Variants in PHC3 observed in about 807,000 individuals in gnomAD.
PHC3 encodes polyhomeotic homolog 3, also known as polyhomeotic-like protein 3.
PHC3 carries 13 observed loss-of-function variants against 107.4 expected under a neutral mutation model. That is an observed-to-expected ratio of 0.12 (90% CI 0.08 to 0.19). PHC3 has a LOEUF of 0.19. Ranked by LOEUF, PHC3 falls within the 10% of genes least tolerant of loss-of-function variation. The pLI is 1.00. For missense variants in PHC3, 992 were observed against 1,210.9 expected (o/e 0.82, Z 2.68); for synonymous variants, 456 against 427.4 (o/e 1.07, Z -0.83).
chr3:170,130,638 T>TC (rs1415851516), intron 7 of PHC3, among the ~76,000 whole-genome samples: 2 of 152,110 alleles, frequency 1.3e-5, no homozygotes, highest in East Asian at 3.9e-4. Context: ...AAAAAAAACT[T>TC]CAATAATTGA....
rs1240744316 is a variant in PHC3, at chr3:170,165,438, C to A, written c.414+5935G>T. Reference sequence around the variant, plus strand: ...AGGACAACCAATAGAAGCCAATACCCAGATAACAAAGATATCAGAATTATA... The same window carrying A: ...AGGACAACCAATAGAAGCCAATACCAAGATAACAAAGATATCAGAATTATA... On this transcript the variant is annotated intron_variant, in intron 4 of 14. Coordinates refer to ENST00000495893, the MANE Select transcript of PHC3 (RefSeq NM_024947.4). Among the ~76,000 whole-genome samples the A allele has an allele frequency of 3.9e-5, 6 of 151,998 alleles. No individual in the cohort carries two copies. In the East Asian group the frequency reaches 1.2e-3, roughly 29 times the overall value.
chr3:170,144,240 T>C (rs971769684), intron 6 of PHC3, among the ~76,000 whole-genome samples: 4 of 146,658 alleles, frequency 2.7e-5, no homozygotes, highest in Non-Finnish European at 6.0e-5. Context: ...ACTCGGGAGG[T>C]TGAGGCAGGA....
chr3:170,180,806 C>G (rs1161853769), intron 1 of PHC3, among the ~76,000 whole-genome samples: 1 of 152,162 alleles, frequency 6.6e-6, no homozygotes, highest in African/African-American at 2.4e-5. Flanking sequence ...ACAGTTCTAA[C>G]TCCTAACCAA....
At position 170,111,394 on chromosome 3, in the gene PHC3, G is replaced by GGA. The variant is rs1231945250; in HGVS notation, c.2353+1965_2353+1966insTC. Among the ~76,000 whole-genome samples the GGA allele has an allele frequency of 8.2e-4, 116 of 142,128 alleles. 1 individual carries two copies. The highest frequency in any genetic ancestry group is 2.9e-3 in the African/African-American group (112 of 38,180). The allele number at this position is 142,128 out of a possible 152,430, so 93.2% of individuals were successfully genotyped here. A position where few individuals can be genotyped will look rare whatever the true frequency, so the allele number is the denominator to read the frequency against. ...AAAGAAAGAAAGAGAGAGAAAGAAA[G>GGA]AGGAAGGAAGGAAGGAAGGAAGGAA... On this transcript the variant is annotated intron_variant, in intron 11 of 14. Transcript: ENST00000495893.
At chr3:170,156,940 CTATT>C (rs1234143422) in intron 4 of PHC3, among the ~76,000 whole-genome samples, 1 of 152,124 alleles carries the variant, frequency 6.6e-6, no homozygotes, top group Non-Finnish European at 1.5e-5. Context: ...AATACCTATC[CTATT>C]TATTTTAGAA....
chr3:170,136,918 A>G (rs1723170072), intron 6 of PHC3, among the ~76,000 whole-genome samples: 1 of 151,876 alleles, frequency 6.6e-6, no homozygotes, highest in Non-Finnish European at 1.5e-5. Flanking sequence ...GAGAAAAAAA[A>G]GAAAGGAAGA....
At chr3:170,126,100 A>T (rs1721187900) in intron 8 of PHC3, 1 of 310,306 alleles carries the variant, frequency 3.2e-6, no homozygotes, top group Admixed American at 6.5e-5. Flanking sequence ...TAAGTATCTT[A>T]AAAAACATAC....
chr3:170,130,308 A>G (rs1722048350), intron 7 of PHC3, among the ~76,000 whole-genome samples: 1 of 152,194 alleles, frequency 6.6e-6, no homozygotes, highest in Admixed American at 6.6e-5. Flanking sequence ...ATCCTTTCTA[A>G]TCCATATCTA....
chr3:170,093,399 A>G lies in PHC3; in HGVS notation c.*3831T>C, dbSNP rs1032887158. The G allele has an allele frequency of 1.3e-5, 2 of 152,208 alleles. No homozygotes were observed. Among genetic ancestry groups the G allele is most frequent in the Non-Finnish European group, 2.9e-5 (2 of 68,036 alleles). 9.4% of individuals were successfully genotyped at this position (152,208 alleles called of 1,614,324 possible). A position where few individuals can be genotyped will look rare whatever the true frequency, so the allele number is the denominator to read the frequency against. Reference sequence around the variant, plus strand: ...CTGCATGTGTTCCTGCAATCCACCAAGGTGAAAACCACAAACTATAACCAG... The same window carrying G: ...CTGCATGTGTTCCTGCAATCCACCAGGGTGAAAACCACAAACTATAACCAG... On this transcript the variant is annotated 3_prime_UTR_variant, in exon 15 of 15. Coordinates refer to ENST00000495893, the MANE Select transcript of PHC3 (RefSeq NM_024947.4).
chr3:170,108,693 T>C (rs551375302), intron 11 of PHC3, among the ~76,000 whole-genome samples: 1 of 152,320 alleles, frequency 6.6e-6, no homozygotes, highest in Non-Finnish European at 1.5e-5. Context: ...ATGCTTATAA[T>C]CTGATCTTAC....
rs185037974 is a variant in PHC3 at position 170,156,326 on chromosome 3, C to T, written c.415-7082G>A. ...GACTGGAATGCAGTGGCACAATCTC[C>T]GCTCACTGCAACCTCCGCCTCCTGG... is the stretch of plus-strand genomic sequence containing the variant. On this transcript the variant is annotated intron_variant, in intron 4 of 14. Transcript: ENST00000495893. 4.6e-5 allele frequency among the ~76,000 whole-genome samples: 7 copies of T among 152,178 alleles called. No individual in the cohort carries two copies. The East Asian group carries it at 5.8e-4, about 13-fold the overall frequency.
At chr3:170,126,804 G>T (rs981089056) in intron 8 of PHC3, among the ~76,000 whole-genome samples, 2 of 151,880 alleles carry the variant, frequency 1.3e-5, no homozygotes, top group East Asian at 3.9e-4. Flanking sequence ...GCCTCCCAAA[G>T]TGCTGGGATT....
chr3:170,133,384 G>C lies in PHC3; in HGVS notation c.919+3035C>G, dbSNP rs374277261. On this transcript the variant is annotated intron_variant, in intron 7 of 14. Transcript: ENST00000495893. ...AGTAGAGACGGGGTTTCACCATGTT[G>C]GCCAGGATGGTCTCGATCTCTTGAC... Among the ~76,000 whole-genome samples the C allele has an allele frequency of 4.5e-4, 68 of 152,086 alleles. No individual in the cohort carries two copies. The East Asian group carries it at 9.7e-3, about 22-fold the overall frequency.
chr3:170,157,799 A>G (rs1479219205), intron 4 of PHC3, among the ~76,000 whole-genome samples: 1 of 152,088 alleles, frequency 6.6e-6, no homozygotes, highest in Non-Finnish European at 1.5e-5. Flanking sequence ...TTCTTGATCT[A>G]AAAACAATCT....
chr3:170,153,655 C>T (rs1327561400), intron 4 of PHC3, among the ~76,000 whole-genome samples: 1 of 150,162 alleles, frequency 6.7e-6, no homozygotes. Context: ...CCCAGCTACT[C>T]GGGAGGCTGA....
At chr3:170,179,061 AG>A (rs1424202697) in intron 1 of PHC3, 123 bp from the exon 2 acceptor site, 2 of 891,674 alleles carry the variant, frequency 2.2e-6, no homozygotes, top group African/African-American at 3.3e-5. Context: ...CATAAAAGAC[AG>A]CCAACACACA....
At chr3:170,174,851 A>G (rs1304390034) in intron 2 of PHC3, among the ~76,000 whole-genome samples, 3 of 152,224 alleles carry the variant, frequency 2.0e-5, no homozygotes, top group Non-Finnish European at 2.9e-5. Context: ...AATTATAACA[A>G]TATACCTTTT....
chr3:170,147,366 C>T (rs572219111), intron 5 of PHC3: 2 of 152,212 alleles, frequency 1.3e-5, no homozygotes, highest in East Asian at 3.9e-4. Context: ...AATTAAACGA[C>T]CAATTAAGTG....
At chr3:170,173,942 C>T (rs1310730421) in intron 2 of PHC3, among the ~76,000 whole-genome samples, 1 of 152,170 alleles carries the variant, frequency 6.6e-6, no homozygotes, top group Non-Finnish European at 1.5e-5. Flanking sequence ...CCTGTGATCC[C>T]ACCACTTTGG....
Sources: gnomAD v4.1 joint callset for allele counts (sites outside exome capture counted in the v4.1 genomes callset) on GRCh38, gnomAD v4.1.1 for gene constraint, MANE v1.5 for transcripts, NCBI Gene and HGNC (gene_info 2026-07-23, HGNC 2026-07-21) for gene names.